WASHC3: variants seen among roughly 807,000 people sequenced by gnomAD.
The protein encoded by WASHC3 is WASH complex subunit 3, also known as WASH complex subunit CCDC53.
WASHC3 carries 24 observed loss-of-function variants against 26.1 expected under a neutral mutation model. The ratio of observed to expected loss-of-function variants is 0.92; its 90% CI spans 0.66 to 1.29. WASHC3 has a LOEUF of 1.29. Among genes scored for constraint, WASHC3 ranks in the 50% most tolerant of loss-of-function variants. The pLI is 0.00. For missense variants in WASHC3, 214 were observed against 229.6 expected (o/e 0.93, Z 0.44); for synonymous variants, 77 against 75.7 (o/e 1.02, Z -0.09).
intron 2 of WASHC3, among the ~76,000 whole-genome samples, chr12:102,060,188 T>TGGG (rs1878746725): frequency 1.3e-5 from 2 of 152,366 alleles, no homozygotes; most frequent in South Asian, 4.1e-4. Context: ...TCCCATAATT[T>TGGG]ACTTTGCTCT....
chr12:102,026,708 A>G (rs1487745667), intron 5 of WASHC3, among the ~76,000 whole-genome samples: 1 of 152,236 alleles, frequency 6.6e-6, no homozygotes, highest in African/African-American at 2.4e-5. Context: ...TTTACTTGAA[A>G]AGGAAAGAGA....
At chr12:102,061,148 C>T in intron 2 of WASHC3, 100 bp downstream of exon 2, 1 of 766,594 alleles carries the variant, frequency 1.3e-6, no homozygotes, top group Non-Finnish European at 2.2e-6. Flanking sequence ...GGTCACGGTA[C>T]ATGAATAAAG....
chr12:102,037,687 T>C lies in WASHC3; in HGVS notation c.435+2181A>G, dbSNP rs1877724830. 2.6e-5 allele frequency among the ~76,000 whole-genome samples: 4 copies of C among 152,352 alleles called. No individual in the cohort carries two copies. The South Asian group carries it at 8.3e-4, about 32-fold the overall frequency. On this transcript the variant is annotated intron_variant, in intron 5 of 6. Transcript: ENST00000240079. ...GGGGAGCTAAACTGTATAGGATTTC[T>C]TGGGCCTGTGAAGGATCTTGGCTCT...
intron 2 of WASHC3, among the ~76,000 whole-genome samples, chr12:102,055,797 T>C: frequency 6.6e-6 from 1 of 152,230 alleles, no homozygotes; most frequent in South Asian, 2.1e-4. Context: ...TAGATGAGAA[T>C]TTTTTGTTTC....
Position 102,013,131 on chromosome 12 carries a change from T to C in WASHC3, c.562A>G (p.Ser188Gly), listed in dbSNP as rs776002887. The change falls in exon 7 of 7, where the codon AGC becomes GGC. Residue 188 changes from serine to glycine, a missense_variant. Ser to Gly is a moderately conservative substitution (Grantham distance 56). Coordinates refer to ENST00000240079, the MANE Select transcript of WASHC3 (RefSeq NM_016053.4). ...SEKTVEESSD[S>G]ESSFSD ...GCTTAATCACTAAAAGAAGATTCGCTATCTGAACTTTCTTCTACAGTTTTC... is the reference window on the plus strand; with the variant it reads ...GCTTAATCACTAAAAGAAGATTCGCCATCTGAACTTTCTTCTACAGTTTTC... 1 of 1,525,270 alleles carries C rather than the reference T, an allele frequency of 6.6e-7. No homozygotes were observed. Among genetic ancestry groups the C allele is most frequent in the Admixed American group, 1.9e-5 (1 of 52,774 alleles). 94.5% of individuals were successfully genotyped at this position (1,525,270 alleles called of 1,614,324 possible). A position where few individuals can be genotyped will look rare whatever the true frequency, so the allele number is the denominator to read the frequency against.
At chr12:102,021,319 C>G (rs948411979) in intron 6 of WASHC3, among the ~76,000 whole-genome samples, 1 of 152,140 alleles carries the variant, frequency 6.6e-6, no homozygotes, top group African/African-American at 2.4e-5. Context: ...ACCAGGAAAA[C>G]AATTTAATGC....
At chr12:102,056,402 G>C (rs1308165380) in intron 2 of WASHC3, among the ~76,000 whole-genome samples, 1 of 152,130 alleles carries the variant, frequency 6.6e-6, no homozygotes, top group African/African-American at 2.4e-5. Flanking sequence ...ACAGAAAACA[G>C]AACAATGCAT....
intron 2 of WASHC3, among the ~76,000 whole-genome samples, chr12:102,060,832 G>C (rs1878774700): frequency 6.6e-6 from 1 of 151,768 alleles, no homozygotes; most frequent in South Asian, 2.1e-4. Context: ...GCGCATGCCT[G>C]TAATCCCAGC....
At chr12:102,045,985 T>G (rs943999541) in intron 3 of WASHC3, 69 bp downstream of exon 3, 4 of 838,096 alleles carry the variant, frequency 4.8e-6, no homozygotes, top group Non-Finnish European at 7.7e-6. Flanking sequence ...CAATGAAAAT[T>G]AAGTATGATT....
intron 5 of WASHC3, among the ~76,000 whole-genome samples, chr12:102,037,721 G>A (rs943206299): frequency 1.3e-5 from 2 of 152,164 alleles, no homozygotes; most frequent in Non-Finnish European, 1.5e-5. Context: ...CTTATTCCTA[G>A]TGAGGTGATA....
intron 5 of WASHC3, among the ~76,000 whole-genome samples, chr12:102,036,056 C>T (rs931785940): frequency 6.6e-6 from 1 of 152,064 alleles, no homozygotes; most frequent in African/African-American, 2.4e-5. Context: ...GTGGTTTTGT[C>T]TGATTAAAGA....
intron 6 of WASHC3, among the ~76,000 whole-genome samples, chr12:102,015,175 T>G (rs1214416519): frequency 6.6e-6 from 1 of 152,072 alleles, no homozygotes; most frequent in East Asian, 1.9e-4. Context: ...AGTGGCCTAC[T>G]GTGCCAGCTA....
At chr12:102,013,242 G>A in intron 6 of WASHC3, 50 bp from the exon 7 acceptor site, 2 of 891,812 alleles carry the variant, frequency 2.2e-6, no homozygotes, top group South Asian at 3.0e-5. Flanking sequence ...ATTGAAAAGA[G>A]CACTTACAAA....
chr12:102,042,471 C>T (rs1409299034), intron 4 of WASHC3, among the ~76,000 whole-genome samples: 1 of 152,088 alleles, frequency 6.6e-6, no homozygotes, highest in Non-Finnish European at 1.5e-5. Context: ...TGTAGTGAAG[C>T]AGGTAAGTGC....
chr12:102,046,571 C>T (rs1195310621), intron 2 of WASHC3, among the ~76,000 whole-genome samples: 2 of 152,160 alleles, frequency 1.3e-5, no homozygotes, highest in African/African-American at 4.8e-5. Flanking sequence ...TGATTACAGG[C>T]GTGAGCCACC....
chr12:102,035,316 T>C (rs1877609258), intron 5 of WASHC3, among the ~76,000 whole-genome samples: 1 of 152,024 alleles, frequency 6.6e-6, no homozygotes, highest in African/African-American at 2.4e-5. Context: ...CCAAAATAAA[T>C]GATAATGAAG....
chr12:102,016,254 G>T (rs1876695649), intron 6 of WASHC3, among the ~76,000 whole-genome samples: 1 of 151,908 alleles, frequency 6.6e-6, no homozygotes, highest in African/African-American at 2.4e-5. Flanking sequence ...ACCCAGGCTA[G>T]GGTGCAGTGG....
chr12:102,014,745 C>G (rs1876626238), intron 6 of WASHC3, among the ~76,000 whole-genome samples: 1 of 152,158 alleles, frequency 6.6e-6, no homozygotes, highest in Non-Finnish European at 1.5e-5. Flanking sequence ...CTCCATCTGC[C>G]TAAAATACTA....
chr12:102,061,611 T>C (rs1878813482), intron 1 of WASHC3, among the ~76,000 whole-genome samples: 1 of 152,162 alleles, frequency 6.6e-6, no homozygotes, highest in African/African-American at 2.4e-5. Context: ...ACACAAAATC[T>C]TGGGGGCTGA....
Sources: gnomAD v4.1 joint callset for allele counts (sites outside exome capture counted in the v4.1 genomes callset) on GRCh38, gnomAD v4.1.1 for gene constraint, MANE v1.5 for transcripts, NCBI Gene and HGNC (gene_info 2026-07-23, HGNC 2026-07-21) for gene names.